CPNE3: variants seen among roughly 807,000 people sequenced by gnomAD.
The protein encoded by CPNE3 is copine-3.
CPNE3 carries 68 observed loss-of-function variants against 63.9 expected under a neutral mutation model. That is an observed-to-expected ratio of 1.06 (90% CI 0.87 to 1.30). The LOEUF (loss-of-function observed/expected upper bound fraction) is 1.30, where lower values mean the gene tolerates loss of function less well. CPNE3 is among the 50% of genes most tolerant of loss of function. The pLI is 0.00. For synonymous variants in CPNE3, 219 were observed against 197.5 expected (o/e 1.11, Z -0.91); for missense variants, 665 against 578.1 (o/e 1.15, Z -1.54).
At position 86,559,515 on chromosome 8, in the gene CPNE3, T is replaced by C. The variant is rs1821390625; in HGVS notation, c.*1105T>C. ...AAAATTGCATTTTACAATTTAATAATGTGATATTTCCTATGTCTACAGCAT... is the reference window on the plus strand; with the variant it reads ...AAAATTGCATTTTACAATTTAATAACGTGATATTTCCTATGTCTACAGCAT... On this transcript the variant is annotated 3_prime_UTR_variant, in exon 17 of 17. Coordinates refer to ENST00000517490, the MANE Select transcript of CPNE3 (RefSeq NM_003909.5). 1 of 152,194 alleles carries C rather than the reference T, an allele frequency of 6.6e-6. No homozygotes were observed. The highest frequency in any genetic ancestry group is 2.4e-5 in the African/African-American group (1 of 41,448). 9.4% of individuals were successfully genotyped at this position (152,194 alleles called of 1,614,324 possible).
At chr8:86,539,792 A>G (rs1276201771) in intron 7 of CPNE3, among the ~76,000 whole-genome samples, 3 of 151,078 alleles carry the variant, frequency 2.0e-5, no homozygotes, top group African/African-American at 7.3e-5. Context: ...CCTCCTGAGT[A>G]GCTAGGATTA....
chr8:86,539,422 A>G (rs1011837783), intron 7 of CPNE3, among the ~76,000 whole-genome samples: 1 of 152,162 alleles, frequency 6.6e-6, no homozygotes, highest in African/African-American at 2.4e-5. Context: ...GCTACTGGAT[A>G]TCATTGTTTT....
intron 14 of CPNE3, 51 bp from the exon 15 acceptor site, chr8:86,554,800 A>G (rs1275040575): frequency 1.2e-6 from 2 of 1,600,312 alleles, no homozygotes; most frequent in African/African-American, 1.3e-5. Context: ...GAATAAACAC[A>G]TTGTGCTTGA....
chr8:86,528,588 T>C lies in CPNE3; in HGVS notation c.43T>C (p.Cys15Arg). The change falls in exon 3 of 17, where the codon TGT (cysteine) becomes CGT (arginine). Residue 15 changes from cysteine to arginine, a missense_variant. Physicochemically the swap from Cys to Arg is radical, Grantham distance 180. Transcript: ENST00000517490. ...CACAAAGGTGGCGCTGAATGTTTCCTGTGCCAATCTTTTGGATAAAGATAT... is the reference window on the plus strand; with the variant it reads ...CACAAAGGTGGCGCTGAATGTTTCCCGTGCCAATCTTTTGGATAAAGATAT... The part of the protein sequence containing the change: ...CVTKVALNVS[C>R]ANLLDKDIGS... The C allele has an allele frequency of 6.2e-7, 1 of 1,614,110 alleles. No homozygotes were observed. The highest frequency in any genetic ancestry group is 2.2e-5 in the East Asian group (1 of 44,880).
chr8:86,559,249 T>C lies in CPNE3; in HGVS notation c.*839T>C, dbSNP rs2131512874. ...ATTATTAGATTACTTTAATTGAGAT[T>C]TGTTAAAACGGTTAGGACTGTTTTG... On this transcript the variant is annotated 3_prime_UTR_variant, in exon 17 of 17. Coordinates refer to ENST00000517490, the MANE Select transcript of CPNE3 (RefSeq NM_003909.5). The C allele has an allele frequency of 6.6e-6, 1 of 152,288 alleles. No individual in the cohort carries two copies. The highest frequency in any genetic ancestry group is 2.1e-4 in the South Asian group (1 of 4,828). 9.4% of individuals were successfully genotyped at this position (152,288 alleles called of 1,614,324 possible).
At chr8:86,523,395 G>A (rs571609176) in intron 2 of CPNE3, among the ~76,000 whole-genome samples, 9 of 152,268 alleles carry the variant, frequency 5.9e-5, no homozygotes, top group Non-Finnish European at 1.3e-4. Flanking sequence ...TGTGCCAGAT[G>A]TCATGCTTCA....
chr8:86,539,656 C>T (rs28514445), intron 7 of CPNE3, among the ~76,000 whole-genome samples: 21,574 of 140,790 alleles, frequency 0.15, 1,852 homozygotes, highest in Non-Finnish European at 0.19. Flanking sequence ...AATAATCCTC[C>T]GCAGTTTTTT....
chr8:86,543,230 T>C (rs570234667), intron 8 of CPNE3, among the ~76,000 whole-genome samples: 69 of 152,240 alleles, frequency 4.5e-4, no homozygotes, highest in African/African-American at 1.6e-3. Context: ...ACTGTCAGAC[T>C]TGGTCAGTGG....
intron 4 of CPNE3, among the ~76,000 whole-genome samples, chr8:86,530,286 C>T (rs1401369930): frequency 1.3e-5 from 2 of 151,880 alleles, no homozygotes; most frequent in Non-Finnish European, 2.9e-5. Flanking sequence ...CCTCCCACCT[C>T]AGCCTCCCAA....
At chr8:86,516,229 A>T (rs1006083677) in intron 2 of CPNE3, among the ~76,000 whole-genome samples, 1 of 152,172 alleles carries the variant, frequency 6.6e-6, no homozygotes, top group African/African-American at 2.4e-5. Flanking sequence ...GTTCTCTTTC[A>T]GGATTTCTTC....
chr8:86,548,034 G>T (rs1240672350), intron 11 of CPNE3, among the ~76,000 whole-genome samples: 1 of 152,204 alleles, frequency 6.6e-6, no homozygotes, highest in Non-Finnish European at 1.5e-5. Context: ...GAAAGCATTA[G>T]TGAGACAACC....
intron 12 of CPNE3, 108 bp downstream of exon 12, chr8:86,548,542 T>C: frequency 2.2e-6 from 3 of 1,375,846 alleles, no homozygotes; most frequent in East Asian, 2.3e-5. Context: ...TTGATGATGC[T>C]TTCTCCCTAA....
intron 7 of CPNE3, among the ~76,000 whole-genome samples, chr8:86,539,586 T>G (rs1445120268): frequency 6.6e-6 from 1 of 152,110 alleles, no homozygotes; most frequent in Admixed American, 6.5e-5. Context: ...ATTTACCTTT[T>G]CTTATTTCAT....
chr8:86,517,421 G>A (rs1437885182), intron 2 of CPNE3, among the ~76,000 whole-genome samples: 1 of 152,102 alleles, frequency 6.6e-6, no homozygotes, highest in Non-Finnish European at 1.5e-5. Context: ...TTGTTATCCG[G>A]CTATTTCACC....
chr8:86,517,793 CTTTGTTTAT>C (rs954637956), intron 2 of CPNE3, among the ~76,000 whole-genome samples: 14 of 152,300 alleles, frequency 9.2e-5, no homozygotes, highest in African/African-American at 3.4e-4. Flanking sequence ...TGGTGGCCTG[CTTTGTTTAT>C]TGTTGGCTCT....
intron 4 of CPNE3, 44 bp downstream of exon 4, chr8:86,529,168 A>G (rs764952142): frequency 6.6e-6 from 10 of 1,517,006 alleles, no homozygotes; most frequent in Middle Eastern, 2.1e-4. Flanking sequence ...CTAAATTTTA[A>G]TCAATGAATT....
At chr8:86,550,983 G>C in intron 12 of CPNE3, 63 bp from the exon 13 acceptor site, 1 of 1,453,880 alleles carries the variant, frequency 6.9e-7, no homozygotes, top group African/African-American at 1.4e-5. Context: ...TTTATTGTGG[G>C]CAAAGATAAA....
chr8:86,551,310 GT>G (rs996881092), intron 14 of CPNE3, 76 bp downstream of exon 14: 48 of 1,054,028 alleles, frequency 4.6e-5, no homozygotes, highest in Non-Finnish European at 5.4e-5. Flanking sequence ...TTTGTTCTTT[GT>G]TTTTTTTCTT....
chr8:86,519,566 T>G (rs1482615876), intron 2 of CPNE3, among the ~76,000 whole-genome samples: 1 of 152,234 alleles, frequency 6.6e-6, no homozygotes, highest in African/African-American at 2.4e-5. Flanking sequence ...CTAATAAAAT[T>G]TATTTCCTTA....
Sources: allele counts gnomAD v4.1 joint callset (sites outside exome capture counted in the v4.1 genomes callset), GRCh38; gene constraint gnomAD v4.1.1; transcripts MANE v1.5; gene names NCBI Gene and HGNC (gene_info 2026-07-23, HGNC 2026-07-21).